Variants in SUPT3H observed in about 807,000 individuals in gnomAD.
SUPT3H encodes the protein SPT3 homolog, SAGA and STAGA complex component.
In SUPT3H, 44 loss-of-function variants were observed where a neutral mutation model predicts 44.3. The ratio of observed to expected loss-of-function variants is 0.99; its 90% CI spans 0.78 to 1.28. The LOEUF is 1.28. Ranked by LOEUF, SUPT3H falls within the 50% of genes most tolerant of loss-of-function variation. The pLI is 0.00. For synonymous variants in SUPT3H, 124 were observed against 125.6 expected (o/e 0.99, Z 0.09); for missense variants, 380 against 387.1 (o/e 0.98, Z 0.15).
chr6:44,885,356 G>A (rs1346650146), intron 10 of SUPT3H, among the ~76,000 whole-genome samples: 2 of 152,046 alleles, frequency 1.3e-5, no homozygotes, highest in East Asian at 1.9e-4. Flanking sequence ...GCCTAACTGC[G>A]AGGCACCCCC....
rs1554263950 is a variant in SUPT3H at position 45,150,730 on chromosome 6, T to TTG, written c.102-44725_102-44724insCA. Among the ~76,000 whole-genome samples the TTG allele has an allele frequency of 1.7e-4, 25 of 143,304 alleles. 1 individual carries two copies. Among genetic ancestry groups the TTG allele is most frequent in the African/African-American group, 4.9e-4 (19 of 38,472 alleles). The allele number at this position is 143,304 out of a possible 152,430, so 94.0% of individuals were successfully genotyped here. On this transcript the variant is annotated intron_variant, in intron 2 of 10. Transcript: ENST00000371459. ...TAATCTTTATTCTGCGTTTTTTTTT[T>TTG]TTTTTTTTTTAAGATGGAGTCTCAC...
intron 2 of SUPT3H, among the ~76,000 whole-genome samples, chr6:45,157,965 T>C (rs1808130092): frequency 6.6e-6 from 1 of 150,772 alleles, no homozygotes; most frequent in Non-Finnish European, 1.5e-5. Context: ...TTTCTGTAAT[T>C]ATAGTAATTA....
intron 2 of SUPT3H, among the ~76,000 whole-genome samples, chr6:45,143,038 C>T (rs892871425): frequency 1.3e-5 from 2 of 151,978 alleles, no homozygotes; most frequent in African/African-American, 4.8e-5. Flanking sequence ...GGACCTAACA[C>T]TGGAGCTCCC....
At chr6:45,157,276 T>G (rs1177887634) in intron 2 of SUPT3H, among the ~76,000 whole-genome samples, 8 of 152,022 alleles carry the variant, frequency 5.3e-5, no homozygotes, top group African/African-American at 1.9e-4. Context: ...AAACATTCTT[T>G]TTAAAAACAG....
chr6:45,087,670 T>A (rs973264946), intron 3 of SUPT3H, among the ~76,000 whole-genome samples: 1 of 151,854 alleles, frequency 6.6e-6, no homozygotes, highest in Non-Finnish European at 1.5e-5. Flanking sequence ...CTAATAATAA[T>A]AATATAAGAA....
At chr6:45,298,094 T>C (rs547025529) in intron 2 of SUPT3H, among the ~76,000 whole-genome samples, 29 of 152,294 alleles carry the variant, frequency 1.9e-4, no homozygotes, top group Admixed American at 1.8e-3. Context: ...ATGAAGTTCA[T>C]CTCTTTTCCA....
chr6:45,145,805 C>T (rs1337578740), intron 2 of SUPT3H, among the ~76,000 whole-genome samples: 2 of 151,608 alleles, frequency 1.3e-5, no homozygotes, highest in Non-Finnish European at 2.9e-5. Flanking sequence ...AATGAACTCA[C>T]AAAAATCAGC....
intron 1 of SUPT3H, among the ~76,000 whole-genome samples, chr6:45,375,744 A>G (rs1563052701): frequency 6.6e-6 from 1 of 152,138 alleles, no homozygotes; most frequent in Non-Finnish European, 1.5e-5. Context: ...GGCCAAGGTT[A>G]AGGGTGCTAC....
chr6:45,279,663 A>G (rs1030882422), intron 2 of SUPT3H, among the ~76,000 whole-genome samples: 1 of 152,242 alleles, frequency 6.6e-6, no homozygotes, highest in Non-Finnish European at 1.5e-5. Context: ...CTTCCTGTGC[A>G]GCCTGCAGAA....
At chr6:44,961,714 CTT>C (rs749342593) in intron 7 of SUPT3H, 37 bp downstream of exon 7, 2 of 1,466,976 alleles carry the variant, frequency 1.4e-6, no homozygotes, top group Admixed American at 1.9e-5. Context: ...ACACAAATCT[CTT>C]ATGCATATAA....
chr6:45,013,002 A>G (rs1783720004), intron 5 of SUPT3H, among the ~76,000 whole-genome samples: 1 of 151,970 alleles, frequency 6.6e-6, no homozygotes, highest in South Asian at 2.1e-4. Context: ...TGATCTCCCT[A>G]TTAAGTTTCT....
chr6:45,322,763 A>G, intron 2 of SUPT3H: 1 of 729,538 alleles, frequency 1.4e-6, no homozygotes, highest in Non-Finnish European at 2.4e-6. Context: ...ATAAGCCTAC[A>G]ATAACTATTT....
chr6:45,063,513 G>A (rs1351319312), intron 3 of SUPT3H, among the ~76,000 whole-genome samples: 1 of 112,966 alleles, frequency 8.9e-6, no homozygotes, highest in African/African-American at 3.2e-5. Context: ...ATTACTCTGA[G>A]CTATGGGAGG....
chr6:44,918,125 T>C (rs1044220602), intron 10 of SUPT3H, among the ~76,000 whole-genome samples: 3 of 152,154 alleles, frequency 2.0e-5, no homozygotes, highest in African/African-American at 4.8e-5. Flanking sequence ...GATCTCTCTT[T>C]AGAAATATGA....
chr6:45,296,450 C>T (rs552605028), intron 2 of SUPT3H, among the ~76,000 whole-genome samples: 16 of 152,006 alleles, frequency 1.1e-4, no homozygotes, highest in East Asian at 3.9e-4. Flanking sequence ...TAAAAGACTA[C>T]GAACAGTGCC....
intron 9 of SUPT3H, among the ~76,000 whole-genome samples, chr6:44,950,220 C>T (rs1390672446): frequency 6.6e-6 from 1 of 152,198 alleles, no homozygotes; most frequent in Non-Finnish European, 1.5e-5. Context: ...CAGACACCTG[C>T]CCCCTTTCCC....
chr6:45,250,049 C>CA lies in SUPT3H; in HGVS notation c.101+115151dup, dbSNP rs567022256. 3.9e-5 allele frequency among the ~76,000 whole-genome samples: 6 copies of CA among 152,046 alleles called. 1 individual carries two copies. The highest frequency in any genetic ancestry group is 3.9e-4 in the East Asian group (2 of 5,174). ...AATTCTATCACTGAGGAATCCTGCA[C>CA]AAAAAAACAGCCAGATCTCTACCTG... is the stretch of plus-strand genomic sequence containing the variant. On this transcript the variant is annotated intron_variant, in intron 2 of 10. Coordinates refer to ENST00000371459, the MANE Select transcript of SUPT3H (RefSeq NM_003599.4).
chr6:44,907,007 T>G (rs530964169), intron 10 of SUPT3H, among the ~76,000 whole-genome samples: 1 of 152,318 alleles, frequency 6.6e-6, no homozygotes, highest in African/African-American at 2.4e-5. Context: ...AACGTCATTG[T>G]TTTCTTGCTG....
In SUPT3H at chr6:44,827,873, A is replaced by T. The variant is rs1767939111; in HGVS notation, c.*1943T>A. ...TTATATGAACTTACTGGGCAAAACC[A>T]GATTTTATAAATAATTACCTGTCAG... On this transcript the variant is annotated 3_prime_UTR_variant, in exon 11 of 11. Coordinates refer to ENST00000371459, the MANE Select transcript of SUPT3H (RefSeq NM_003599.4). Among the ~76,000 whole-genome samples the T allele has an allele frequency of 6.6e-6, 1 of 152,168 alleles. No individual in the cohort carries two copies. The highest frequency in any genetic ancestry group is 6.6e-5 in the Admixed American group (1 of 15,266).
Sources: gnomAD v4.1 joint callset for allele counts (sites outside exome capture counted in the v4.1 genomes callset) on GRCh38, gnomAD v4.1.1 for gene constraint, MANE v1.5 for transcripts, NCBI Gene and HGNC (gene_info 2026-07-23, HGNC 2026-07-21) for gene names.